AHNAK: variants seen among roughly 807,000 people sequenced by gnomAD.
AHNAK encodes neuroblast differentiation-associated protein AHNAK.
AHNAK carries 23 observed loss-of-function variants against 37.8 expected under a neutral mutation model. The observed-to-expected ratio is 0.61, with a 90% CI of 0.44 to 0.86. AHNAK has a LOEUF of 0.86. Ranked by LOEUF, AHNAK falls within the 40% of genes least tolerant of loss-of-function variation. AHNAK has a pLI of 0.00. For missense variants in AHNAK, 7,411 were observed against 7,319.4 expected (o/e 1.01, Z -0.46); for synonymous variants, 2,481 against 2,636.3 (o/e 0.94, Z 1.80).
chr11:62,471,704 G>T (rs531875397), intron 5 of AHNAK, among the ~76,000 whole-genome samples: 2 of 152,184 alleles, frequency 1.3e-5, no homozygotes, highest in South Asian at 2.1e-4. Flanking sequence ...CCCAGTAAAG[G>T]CCTGCTTGGG....
At chr11:62,535,784 G>A (rs984213837) in intron 3 of AHNAK, among the ~76,000 whole-genome samples, 161 bp downstream of exon 3, 1 of 152,096 alleles carries the variant, frequency 6.6e-6, no homozygotes, top group African/African-American at 2.4e-5. Flanking sequence ...ACACAGAGTG[G>A]CCAAGGGAGG....
chr11:62,491,731 C>T lies in AHNAK; in HGVS notation c.442+1G>A. 1 of 1,608,322 alleles carries T rather than the reference C, an allele frequency of 6.2e-7. No homozygotes were observed. Among genetic ancestry groups the T allele is most frequent in the Non-Finnish European group, 8.5e-7 (1 of 1,177,108 alleles). On this transcript the variant is annotated splice_donor_variant, in intron 5 of 5. Coordinates refer to the AHNAK transcript ENST00000257247. LOFTEE classifies it high-confidence loss of function. ...CTTTCAGTCCCCATCACTTCTCTCACCTGCATTTGGGGTGGAGACTGAAAC... is the reference window on the plus strand; with the variant it reads ...CTTTCAGTCCCCATCACTTCTCTCATCTGCATTTGGGGTGGAGACTGAAAC...
chr11:62,543,101 G>A (rs536178236), intron 1 of AHNAK, among the ~76,000 whole-genome samples: 4 of 152,248 alleles, frequency 2.6e-5, no homozygotes, highest in African/African-American at 4.8e-5. Context: ...CCGGGGGACC[G>A]GGCAGGATGC....
chr11:62,532,384 C>T lies in AHNAK; in HGVS notation c.2033G>A (p.Gly678Glu). The T allele has an allele frequency of 1.2e-6, 2 of 1,614,058 alleles. No homozygotes were observed. Among genetic ancestry groups the T allele is most frequent in the Non-Finnish European group, 1.7e-6 (2 of 1,180,016 alleles). The part of the protein sequence containing the change: ...APDVNLEGLG[G>E]KLKGPDVKLP... The stretch of plus-strand genomic sequence containing the variant: ...CTTAACATCGGGGCCTTTAAGTTTT[C>T]CCCCCAGACCCTCCAAGTTGACATC... Residue 678 changes from glycine to glutamate, a missense_variant, in exon 5 of 5, where the codon GGA becomes GAA. Coordinates refer to ENST00000378024, the MANE Select transcript of AHNAK (RefSeq NM_001620.3).
Position 62,529,697 on chromosome 11 carries a change from T to C in AHNAK, c.4720A>G (p.Ile1574Val), listed in dbSNP as rs756920877. The change falls in exon 5 of 5, where the codon ATA becomes GTA. Residue 1574 changes from isoleucine to valine, a missense_variant. Coordinates refer to ENST00000378024, the MANE Select transcript of AHNAK (RefSeq NM_001620.3). ...GGCATAGAGATTTTGTGCGTCTGTA[T>C]ATTCATGCTTGGCATCTTGAACTTA... ...GPKFKMPSMN[I>V]QTHKISMPDV... 2 of 1,614,092 alleles carry C rather than the reference T, an allele frequency of 1.2e-6. No homozygotes were observed. Among genetic ancestry groups the C allele is most frequent in the South Asian group, 1.1e-5 (1 of 91,042 alleles).
At chr11:62,448,199 G>A (rs79404134) in intron 5 of AHNAK, among the ~76,000 whole-genome samples, 7,711 of 152,252 alleles carry the variant, frequency 0.051, 253 homozygotes, top group Middle Eastern at 0.14. Context: ...GGGACATCAG[G>A]TGAAGCTGGG....
At position 62,524,946 on chromosome 11, in the gene AHNAK, C is replaced by G. The variant is rs1193439935; in HGVS notation, c.9471G>C (p.Lys3157Asn). 1 of 1,611,326 alleles carries G rather than the reference C, an allele frequency of 6.2e-7. No homozygotes were observed. The stretch of plus-strand genomic sequence containing the variant: ...CTCCTTTGAAGCCAGGCATGCTGAT[C>G]TTGGGCATTTTTATTTTAGGCATCT... ...HLKMPKIKMP[K>N]ISMPGFKGEG... The change falls in exon 5 of 5, where the codon AAG becomes AAC. Residue 3157 changes from lysine (K) to asparagine (N), a missense_variant. Lys to Asn is a moderately conservative substitution (Grantham distance 94). Transcript: ENST00000378024.
Position 62,528,568 on chromosome 11 carries a change from T to A in AHNAK, c.5849A>T (p.Asp1950Val), listed in dbSNP as rs1426313094. Reference sequence around the variant, plus strand: ...CACACCCACACTGGGACCTGTTAAATCTCCCTCCAATTTTGGCACCGACAC... The same window carrying A: ...CACACCCACACTGGGACCTGTTAAAACTCCCTCCAATTTTGGCACCGACAC... ...VDVSVPKLEG[D>V]LTGPSVGVEV... Residue 1950 changes from aspartate to valine, a missense_variant, in exon 5 of 5, where the codon GAT becomes GTT. By Grantham distance (152) the Asp-to-Val change is radical. Transcript: ENST00000378024. 1.2e-6 allele frequency: 2 copies of A among 1,610,936 alleles called. No individual in the cohort carries two copies. The highest frequency in any genetic ancestry group is 1.7e-6 in the Non-Finnish European group (2 of 1,179,486).
Position 62,526,230 on chromosome 11 carries a change from A to G in AHNAK, c.8187T>C (p.Leu2729=), listed in dbSNP as rs745704655. Residue 2729 remains leucine (L), a synonymous_variant, in exon 5 of 5, where the codon CTT becomes CTC. Transcript: ENST00000378024. The part of the protein sequence containing the change: ...PKVKGDVDVS[L]PKVEGDLKGP... The stretch of plus-strand genomic sequence containing the variant: ...CCTTGAGGTCACCTTCCACTTTAGG[A>G]AGGGAAACATCCACATCACCCTTCA... The G allele has an allele frequency of 6.2e-7, 1 of 1,607,036 alleles. No individual in the cohort carries two copies. The highest frequency in any genetic ancestry group is 1.1e-5 in the South Asian group (1 of 90,714).
chr11:62,524,941 C>T lies in AHNAK; in HGVS notation c.9476G>A (p.Ser3159Asn). Residue 3159 changes from serine (S) to asparagine (N), a missense_variant, in exon 5 of 5, where the codon AGC (serine) becomes AAC (asparagine). Transcript: ENST00000378024. ...KMPKIKMPKI[S>N]MPGFKGEGPE... Reference sequence around the variant, plus strand: ...ACCTTCTCCTTTGAAGCCAGGCATGCTGATCTTGGGCATTTTTATTTTAGG... The same window carrying T: ...ACCTTCTCCTTTGAAGCCAGGCATGTTGATCTTGGGCATTTTTATTTTAGG... 1.2e-6 allele frequency: 2 copies of T among 1,613,776 alleles called. No individual in the cohort carries two copies. The highest frequency in any genetic ancestry group is 1.7e-6 in the Non-Finnish European group (2 of 1,179,970).
intron 4 of AHNAK, among the ~76,000 whole-genome samples, chr11:62,498,299 G>T (rs1192924442): frequency 6.6e-6 from 1 of 152,074 alleles, no homozygotes; most frequent in Non-Finnish European, 1.5e-5. Context: ...TGAAGCTAAT[G>T]GTTATCACTA....
rs780177876 is a variant in AHNAK at position 62,521,348 on chromosome 11, G to A, written c.13069C>T (p.Pro4357Ser). The A allele has an allele frequency of 5.6e-6, 9 of 1,613,408 alleles. No individual in the cohort carries two copies. The South Asian group carries it at 7.7e-5, about 14-fold the overall frequency. ...TCTGGACCTTCGATACTGACATCAG[G>A]GGCATCAATGTCCACTTTGGGGCCA... ...ISGPKVDIDA[P>S]DVSIEGPDAK... is the part of the protein sequence containing the mutation. The change falls in exon 5 of 5, where the codon CCT (proline) becomes TCT (serine). Residue 4357 changes from proline (P) to serine (S), a missense_variant. Coordinates refer to ENST00000378024, the MANE Select transcript of AHNAK (RefSeq NM_001620.3).
intron 5 of AHNAK, among the ~76,000 whole-genome samples, chr11:62,488,548 C>G (rs973939869): frequency 6.6e-6 from 1 of 151,442 alleles, no homozygotes; most frequent in Non-Finnish European, 1.5e-5. Context: ...ATTACAGGCG[C>G]CCACCATGCC....
chr11:62,539,712 TA>T (rs1941065402), intron 1 of AHNAK, among the ~76,000 whole-genome samples: 1 of 152,128 alleles, frequency 6.6e-6, no homozygotes, highest in African/African-American at 2.4e-5. Context: ...ACCGATCCAA[TA>T]GCCCGTGAGG....
At chr11:62,455,135 A>G (rs982092160) in intron 5 of AHNAK, among the ~76,000 whole-genome samples, 3 of 151,106 alleles carry the variant, frequency 2.0e-5, no homozygotes, top group African/African-American at 7.3e-5. Context: ...GTTTTGCCAC[A>G]TTGGTCAGGC....
intron 4 of AHNAK, among the ~76,000 whole-genome samples, chr11:62,509,545 C>T (rs888247570): frequency 2.0e-5 from 3 of 150,698 alleles, no homozygotes; most frequent in East Asian, 1.9e-4. Flanking sequence ...AGTGAAACTC[C>T]GTCTCAAAAA....
At chr11:62,474,020 T>A (rs561233167) in intron 5 of AHNAK, among the ~76,000 whole-genome samples, 15 of 151,296 alleles carry the variant, frequency 9.9e-5, no homozygotes, top group African/African-American at 2.9e-4. Flanking sequence ...AATAGGTAAG[T>A]GAGGTGACAG....
At position 62,528,181 on chromosome 11, in the gene AHNAK, A is replaced by G; in HGVS notation, c.6236T>C (p.Val2079Ala). Reference sequence around the variant, plus strand: ...TTCAACATCCACCTTGGGTCCTGAGACAACAACATCAGCCTTGGGCAAGTT... The same window carrying G: ...TTCAACATCCACCTTGGGTCCTGAGGCAACAACATCAGCCTTGGGCAAGTT... ...DVNLPKADVV[V>A]SGPKVDVEVP... The change falls in exon 5 of 5, where the codon GTC becomes GCC. Residue 2079 changes from valine (V) to alanine (A), a missense_variant. Coordinates refer to ENST00000378024, the MANE Select transcript of AHNAK (RefSeq NM_001620.3). The G allele has an allele frequency of 6.2e-7, 1 of 1,614,056 alleles. No individual in the cohort carries two copies. Among genetic ancestry groups the G allele is most frequent in the Non-Finnish European group, 8.5e-7 (1 of 1,180,012 alleles).
chr11:62,526,008 A>G lies in AHNAK; in HGVS notation c.8409T>C (p.Asp2803=), dbSNP rs77433327. ...ADIDVSGPKV[D]VECPDVNIEG... ...CGATATTCACATCGGGACATTCAAC[A>G]TCCACTTTCGGTCCTGAGACATCAA... The change falls in exon 5 of 5, where the codon GAT becomes GAC. Residue 2803 remains aspartate (D), a synonymous_variant. Transcript: ENST00000378024. 1.1e-3 allele frequency: 1,790 copies of G among 1,607,722 alleles called. 13 individuals carry two copies. In the African/African-American group the frequency reaches 0.022, roughly 19 times the overall value.
Sources: gnomAD v4.1 joint callset for allele counts (sites outside exome capture counted in the v4.1 genomes callset) on GRCh38, gnomAD v4.1.1 for gene constraint, MANE v1.5 for transcripts, NCBI Gene and HGNC (gene_info 2026-07-23, HGNC 2026-07-21) for gene names.